Variants in SYNE1 observed in about 807,000 individuals in gnomAD.
The protein encoded by SYNE1 is nesprin-1.
SYNE1 carries 616 observed loss-of-function variants against 1,111.0 expected under a neutral mutation model. That is an observed-to-expected ratio of 0.55 (90% CI 0.52 to 0.59). The LOEUF (loss-of-function observed/expected upper bound fraction) is 0.59. SYNE1 is among the 20% of genes least tolerant of loss of function. The pLI is 0.00. For missense variants in SYNE1, 10,006 were observed against 10,417.0 expected, an observed-to-expected ratio of 0.96 and a Z score of 1.72; for synonymous variants, 3,855 against 3,825.8, an observed-to-expected ratio of 1.01 and a Z score of -0.28.
chr6:152,550,453 T>A (rs1439757045), intron 3 of SYNE1, among the ~76,000 whole-genome samples: 1 of 152,040 alleles, frequency 6.6e-6, no homozygotes, highest in African/African-American at 2.4e-5. Flanking sequence ...GGCAGTTATA[T>A]AAGGACACAT....
At chr6:152,544,774 G>A (rs951698020) in intron 3 of SYNE1, among the ~76,000 whole-genome samples, 5 of 152,076 alleles carry the variant, frequency 3.3e-5, no homozygotes, top group East Asian at 1.9e-4. Context: ...AGTCACCTGC[G>A]GGTACTGCAC....
chr6:152,634,661 A>G (rs1443619019), intron 2 of SYNE1, among the ~76,000 whole-genome samples: 1 of 152,256 alleles, frequency 6.6e-6, no homozygotes, highest in East Asian at 1.9e-4. Context: ...GATCTTTTCC[A>G]TAGAAGAACA....
intron 91 of SYNE1, among the ~76,000 whole-genome samples, chr6:152,307,873 G>A (rs148703623): frequency 3.4e-4 from 51 of 152,150 alleles, no homozygotes; most frequent in Non-Finnish European, 5.9e-4. Flanking sequence ...TCACTCTGTC[G>A]CCAGGTTGGA....
intron 62 of SYNE1, among the ~76,000 whole-genome samples, chr6:152,366,530 A>T (rs775620302): frequency 2.6e-5 from 4 of 152,080 alleles, no homozygotes; most frequent in Non-Finnish European, 5.9e-5. Context: ...AACCCCACAC[A>T]ACTCGGGTTA....
chr6:152,318,729 T>C, intron 85 of SYNE1, 134 bp downstream of exon 85: 1 of 958,930 alleles, frequency 1.0e-6, no homozygotes, highest in South Asian at 1.6e-5. Flanking sequence ...TTACAAAATT[T>C]CTTTACCACC....
At chr6:152,175,044 AT>A (rs200968921) in intron 130 of SYNE1, among the ~76,000 whole-genome samples, 4,771 of 152,178 alleles carry the variant, frequency 0.031, 237 homozygotes, top group African/African-American at 0.1. Context: ...AAATACAAAA[AT>A]TAGCCAGGTG....
intron 58 of SYNE1, among the ~76,000 whole-genome samples, chr6:152,373,865 T>A (rs768840314): frequency 1.2e-4 from 18 of 152,140 alleles, no homozygotes; most frequent in Non-Finnish European, 2.2e-4. Context: ...TTCCATATAG[T>A]TGGTGGAGCT....
Position 152,325,184 on chromosome 6 carries a change from G to T in SYNE1, c.15557C>A (p.Thr5186Asn), listed in dbSNP as rs768676733. Reference protein sequence around the residue: ...ASKATLSRSMTTVWQRWTRLR... With the variant: ...ASKATLSRSMNTVWQRWTRLR... The stretch of plus-strand genomic sequence containing the variant: ...GCGTGTCCAGCGCTGCCAGACGGTG[G>T]TCATTGACCTGCTCAGGGTGGCTTT... The change falls in exon 81 of 146, where the codon ACC becomes AAC. Residue 5186 changes from threonine to asparagine, a missense_variant. Physicochemically the swap from Thr to Asn is moderately conservative, Grantham distance 65. Transcript: ENST00000367255. 3.1e-6 allele frequency: 5 copies of T among 1,614,086 alleles called. No individual in the cohort carries two copies. The Admixed American group carries it at 8.3e-5, about 27-fold the overall frequency.
chr6:152,527,722 T>C (rs2099170024), intron 4 of SYNE1, among the ~76,000 whole-genome samples: 1 of 152,198 alleles, frequency 6.6e-6, no homozygotes, highest in African/African-American at 2.4e-5. Context: ...TCATGCATTG[T>C]TATAAATATG....
intron 8 of SYNE1, among the ~76,000 whole-genome samples, chr6:152,509,623 G>A (rs747071636): frequency 6.6e-6 from 1 of 151,898 alleles, no homozygotes; most frequent in African/African-American, 2.4e-5. Flanking sequence ...ATTATGCCTA[G>A]AGGAAAACTG....
At chr6:152,603,420 G>C (rs566454903) in intron 3 of SYNE1, among the ~76,000 whole-genome samples, 1 of 152,224 alleles carries the variant, frequency 6.6e-6, no homozygotes, top group African/African-American at 2.4e-5. Flanking sequence ...GCTATGGACT[G>C]TTCTGTCCTT....
chr6:152,521,526 C>T (rs2099139564), intron 5 of SYNE1, among the ~76,000 whole-genome samples: 1 of 152,122 alleles, frequency 6.6e-6, no homozygotes, highest in South Asian at 2.1e-4. Flanking sequence ...TGACAGATAC[C>T]TTAAACATAC....
At chr6:152,363,766 A>T in intron 63 of SYNE1, 1 of 455,346 alleles carries the variant, frequency 2.2e-6, no homozygotes, top group Non-Finnish European at 4.4e-6. Context: ...GGCACAGGGG[A>T]GCCTCACCCT....
At chr6:152,215,152 T>C (rs2078324504) in intron 121 of SYNE1, 92 bp from the exon 122 acceptor site, 9 of 1,459,476 alleles carry the variant, frequency 6.2e-6, no homozygotes, top group Middle Eastern at 2.0e-4. Flanking sequence ...TTTCAGGAAG[T>C]AGCTGGTCTT....
chr6:152,430,333 G>A (rs2098417445), intron 35 of SYNE1, 123 bp from the exon 36 acceptor site: 3 of 1,120,194 alleles, frequency 2.7e-6, no homozygotes, highest in African/African-American at 1.6e-5. Context: ...ATTATAAAAT[G>A]CATTCTTTAA....
chr6:152,194,218 T>C (rs939801553), intron 127 of SYNE1, among the ~76,000 whole-genome samples: 6 of 150,764 alleles, frequency 4.0e-5, no homozygotes, highest in Non-Finnish European at 8.9e-5. Flanking sequence ...CCTTAGCTTT[T>C]GTTTGTTTGA....
At position 152,633,564 on chromosome 6, in the gene SYNE1, AT is replaced by A. The variant is rs796941201; in HGVS notation, c.-224+3073del. 2.0e-4 allele frequency among the ~76,000 whole-genome samples: 30 copies of A among 146,558 alleles called. 1 individual carries two copies. Among genetic ancestry groups the A allele is most frequent in the Middle Eastern group, 7.0e-3 (2 of 284 alleles). On this transcript the variant is annotated intron_variant, in intron 2 of 145. Coordinates refer to ENST00000367255, the MANE Select transcript of SYNE1 (RefSeq NM_182961.4). ...CACCCAATCAATAACCATCTGCTGC[AT>A]TTTTTTTTTGTTCAGGACACAGAGA... is the stretch of plus-strand genomic sequence containing the variant.
intron 30 of SYNE1, among the ~76,000 whole-genome samples, chr6:152,443,286 A>G (rs2098549212): frequency 1.3e-5 from 2 of 152,162 alleles, no homozygotes. Flanking sequence ...CATTTTTTAG[A>G]CAGAGTCTTG....
At chr6:152,370,071 C>T (rs762366380) in intron 59 of SYNE1, among the ~76,000 whole-genome samples, 2 of 148,982 alleles carry the variant, frequency 1.3e-5, no homozygotes, top group South Asian at 2.1e-4. Flanking sequence ...TACCTTGGCA[C>T]AAACACAATT....
Sources: gnomAD v4.1 joint callset for allele counts (sites outside exome capture counted in the v4.1 genomes callset) on GRCh38, gnomAD v4.1.1 for gene constraint, MANE v1.5 for transcripts, NCBI Gene and HGNC (gene_info 2026-07-23, HGNC 2026-07-21) for gene names.